LRRTM4: variants seen among roughly 807,000 people sequenced by gnomAD.
LRRTM4 encodes the protein leucine-rich repeat transmembrane neuronal protein 4.
Under a neutral mutation model 47.6 loss-of-function variants are expected in LRRTM4, and 25 were observed. The ratio of observed to expected loss-of-function variants is 0.53; its 90% CI spans 0.38 to 0.73. The LOEUF (loss-of-function observed/expected upper bound fraction) is 0.73, where lower values mean the gene tolerates loss of function less well. Ranked by LOEUF, LRRTM4 falls within the 30% of genes least tolerant of loss-of-function variation. The probability of loss-of-function intolerance (pLI) is 0.00; values close to 1 mark genes in which losing one functional copy is unlikely to be tolerated. For missense variants in LRRTM4, 638 were observed against 713.4 expected (o/e 0.89, Z 1.20); for synonymous variants, 311 against 269.5 (o/e 1.15, Z -1.51).
intron 3 of LRRTM4, among the ~76,000 whole-genome samples, chr2:76,983,301 G>C (rs141544004): frequency 6.6e-6 from 1 of 152,016 alleles, no homozygotes; most frequent in East Asian, 1.9e-4. Flanking sequence ...TAAACAGTAG[G>C]GATATGGTTT....
Position 77,270,892 on chromosome 2 carries a change from T to C in LRRTM4, c.1551+247426A>G, listed in dbSNP as rs949433630. ...GTTTTCTACACTGCCGTGCCCACTTTAGAGTTGTGTCTTTGCTTTAAGCTT... is the reference window on the plus strand; with the variant it reads ...GTTTTCTACACTGCCGTGCCCACTTCAGAGTTGTGTCTTTGCTTTAAGCTT... On this transcript the variant is annotated intron_variant, in intron 3 of 3. Coordinates refer to ENST00000409884, the MANE Select transcript of LRRTM4 (RefSeq NM_001134745.3). 5.3e-5 allele frequency among the ~76,000 whole-genome samples: 8 copies of C among 152,222 alleles called. No individual in the cohort carries two copies. The East Asian group carries it at 7.7e-4, about 15-fold the overall frequency.
Position 76,995,726 on chromosome 2 carries a change from C to G in LRRTM4, c.1552-246810G>C, listed in dbSNP as rs569002308. On this transcript the variant is annotated intron_variant, in intron 3 of 3. Transcript: ENST00000409884. ...CCATATAGATTCAGGAACTATAACTCTGGCATCTCTACAAGATGTGAACTC... is the reference window on the plus strand; with the variant it reads ...CCATATAGATTCAGGAACTATAACTGTGGCATCTCTACAAGATGTGAACTC... 3.0e-4 allele frequency among the ~76,000 whole-genome samples: 46 copies of G among 152,166 alleles called. No individual in the cohort carries two copies. The South Asian group carries it at 9.3e-3, about 31-fold the overall frequency.
chr2:77,251,165 ATAT>A (rs1558653781), intron 3 of LRRTM4, among the ~76,000 whole-genome samples: 6,245 of 40,800 alleles, frequency 0.15, 515 homozygotes, highest in African/African-American at 0.34. Context: ...ATATACATAT[ATAT>A]GTGTGTGTGT....
intron 3 of LRRTM4, among the ~76,000 whole-genome samples, chr2:76,796,108 A>C (rs140879042): frequency 0.21 from 25,195 of 117,988 alleles, 4,080 homozygotes; most frequent in East Asian, 0.38. Context: ...CTTTTCAGAC[A>C]GGCTTAAAAA....
At chr2:77,099,338 A>C (rs1343690324) in intron 3 of LRRTM4, among the ~76,000 whole-genome samples, 1 of 151,922 alleles carries the variant, frequency 6.6e-6, no homozygotes, top group East Asian at 1.9e-4. Flanking sequence ...TCTCACAAAA[A>C]CATGATTAGA....
At chr2:77,506,490 A>G (rs553119572) in intron 3 of LRRTM4, among the ~76,000 whole-genome samples, 3 of 151,876 alleles carry the variant, frequency 2.0e-5, no homozygotes, top group East Asian at 3.9e-4. Context: ...ACAAAATGTG[A>G]AAAAAAGGTT....
At chr2:76,955,778 A>AC (rs931321473) in intron 3 of LRRTM4, among the ~76,000 whole-genome samples, 6 of 151,728 alleles carry the variant, frequency 4.0e-5, no homozygotes, top group African/African-American at 1.5e-4. Context: ...ACCGTCTGCA[A>AC]CCAAGAGTGG....
chr2:76,806,039 C>T (rs761757262), intron 3 of LRRTM4, among the ~76,000 whole-genome samples: 1 of 152,172 alleles, frequency 6.6e-6, no homozygotes, highest in South Asian at 2.1e-4. Flanking sequence ...CAGCCTATTA[C>T]AGCTACAATC....
Position 77,088,767 on chromosome 2 carries a change from G to A in LRRTM4, c.1552-339851C>T, listed in dbSNP as rs553620816. Among the ~76,000 whole-genome samples, 6 of 152,146 alleles carry A rather than the reference G, an allele frequency of 3.9e-5. No homozygotes were observed. In the South Asian group the frequency reaches 8.3e-4, roughly 21 times the overall value. ...TGCTCCTTGAGAAAGATCCACCTAC[G>A]ACCTCAGGTCCTCAGACCCACCAGC... On this transcript the variant is annotated intron_variant, in intron 3 of 3. Coordinates refer to ENST00000409884, the MANE Select transcript of LRRTM4 (RefSeq NM_001134745.3).
chr2:76,814,912 TA>T (rs1331425571), intron 3 of LRRTM4, among the ~76,000 whole-genome samples: 1 of 151,608 alleles, frequency 6.6e-6, no homozygotes, highest in African/African-American at 2.4e-5. Flanking sequence ...AAAAATGAAA[TA>T]AAACAAATAA....
chr2:77,095,300 G>C (rs1053499100), intron 3 of LRRTM4, among the ~76,000 whole-genome samples: 2 of 152,028 alleles, frequency 1.3e-5, no homozygotes, highest in Admixed American at 6.6e-5. Flanking sequence ...GTATCTTCTC[G>C]TTGAGAATGT....
At chr2:77,195,243 T>C (rs771068610) in intron 3 of LRRTM4, among the ~76,000 whole-genome samples, 8 of 151,944 alleles carry the variant, frequency 5.3e-5, no homozygotes, top group Non-Finnish European at 1.2e-4. Flanking sequence ...TATAATGACA[T>C]GCCACTAAAA....
chr2:77,178,726 T>C (rs138743171), intron 3 of LRRTM4, among the ~76,000 whole-genome samples: 7 of 152,356 alleles, frequency 4.6e-5, no homozygotes, highest in Non-Finnish European at 1.0e-4. Flanking sequence ...TTGTTCCTAA[T>C]GTTTTATTAT....
At chr2:77,135,015 A>G (rs1389835401) in intron 3 of LRRTM4, among the ~76,000 whole-genome samples, 1 of 152,176 alleles carries the variant, frequency 6.6e-6, no homozygotes, top group Non-Finnish European at 1.5e-5. Context: ...AATTTATCAG[A>G]TAGGAACTAC....
At chr2:77,006,580 G>A (rs576872475) in intron 3 of LRRTM4, among the ~76,000 whole-genome samples, 2 of 152,132 alleles carry the variant, frequency 1.3e-5, no homozygotes, top group African/African-American at 4.8e-5. Context: ...TAAGGAAGAT[G>A]TATAAGTTGT....
intron 3 of LRRTM4, among the ~76,000 whole-genome samples, chr2:77,485,759 T>C (rs998012011): frequency 6.6e-6 from 1 of 152,162 alleles, no homozygotes; most frequent in Non-Finnish European, 1.5e-5. Flanking sequence ...AAACAAGGTC[T>C]CACTCCCATT....
At chr2:76,780,856 T>G (rs543312190) in intron 3 of LRRTM4, among the ~76,000 whole-genome samples, 13 of 150,570 alleles carry the variant, frequency 8.6e-5, no homozygotes, top group African/African-American at 2.9e-4. Context: ...AGTTTCCAGT[T>G]TTTCTGTTCT....
intron 3 of LRRTM4, among the ~76,000 whole-genome samples, chr2:77,296,062 T>A (rs569642862): frequency 6.6e-6 from 1 of 152,336 alleles, no homozygotes; most frequent in African/African-American, 2.4e-5. Context: ...AAATCCTTAA[T>A]TATTTTGTAT....
At chr2:77,166,634 C>G (rs1008842665) in intron 3 of LRRTM4, among the ~76,000 whole-genome samples, 1 of 151,970 alleles carries the variant, frequency 6.6e-6, no homozygotes, top group Admixed American at 6.6e-5. Flanking sequence ...CAGAATAGAG[C>G]CCTCAGAAAT....
Sources: allele counts gnomAD v4.1 joint callset (sites outside exome capture counted in the v4.1 genomes callset), GRCh38; gene constraint gnomAD v4.1.1; transcripts MANE v1.5; gene names NCBI Gene and HGNC (gene_info 2026-07-23, HGNC 2026-07-21).